WWC2: variants seen among roughly 807,000 people sequenced by gnomAD.
WWC2 encodes protein WWC2.
Under a neutral mutation model 138.5 loss-of-function variants are expected in WWC2, and 101 were observed. The observed-to-expected ratio is 0.73, with a 90% CI of 0.62 to 0.86. WWC2 has a LOEUF of 0.86. WWC2 is among the 40% of genes least tolerant of loss of function. The pLI is 0.00. For synonymous variants in WWC2, 558 were observed against 538.4 expected, an observed-to-expected ratio of 1.04 and a Z score of -0.50; for missense variants, 1,420 against 1,419.4, an observed-to-expected ratio of 1.00 and a Z score of -0.01.
rs1374034474 is a variant in WWC2 at position 183,176,848 on chromosome 4, C to T, written c.132-16751C>T. On this transcript the variant is annotated intron_variant, in intron 1 of 22. Coordinates refer to ENST00000403733, the MANE Select transcript of WWC2 (RefSeq NM_024949.6). Reference sequence around the variant, plus strand: ...AATGGCAGCTGCAGCCAAGCAACACCGGCCTCACACTCCAGGCAGAACGCT... The same window carrying T: ...AATGGCAGCTGCAGCCAAGCAACACTGGCCTCACACTCCAGGCAGAACGCT... Among the ~76,000 whole-genome samples, 7 of 152,136 alleles carry T rather than the reference C, an allele frequency of 4.6e-5. No individual in the cohort carries two copies. In the South Asian group the frequency reaches 6.2e-4, roughly 13 times the overall value.
In WWC2 at chr4:183,319,591, C is replaced by T. The variant is rs1579086144; in HGVS notation, c.*3862C>T. The T allele has an allele frequency of 6.2e-7, 1 of 1,613,544 alleles. No individual in the cohort carries two copies. The highest frequency in any genetic ancestry group is 2.2e-5 in the East Asian group (1 of 44,886). On this transcript the variant is annotated 3_prime_UTR_variant, in exon 23 of 23. Coordinates refer to ENST00000403733, the MANE Select transcript of WWC2 (RefSeq NM_024949.6). The stretch of plus-strand genomic sequence containing the variant: ...AGGTTGGTGTTTCTCGTCTCCAGTT[C>T]TTGATGATGATCTTGTGTTTGTGCC...
In WWC2 at chr4:183,253,782, T is replaced by G. The variant is rs1027143602; in HGVS notation, c.979T>G (p.Ser327Ala). ...TATGGCCAACTTAAAAATTGAACTGTCAAAATTGGACAGTGAGGCCTGGCC... is the reference window on the plus strand; with the variant it reads ...TATGGCCAACTTAAAAATTGAACTGGCAAAATTGGACAGTGAGGCCTGGCC... ...RSMANLKIEL[S>A]KLDSEAWPGA... The change falls in exon 9 of 23, where the codon TCA becomes GCA. Residue 327 changes from serine (S) to alanine (A), a missense_variant. Ser to Ala is a moderately conservative substitution (Grantham distance 99). Transcript: ENST00000403733. The G allele has an allele frequency of 1.9e-6, 3 of 1,612,346 alleles. No homozygotes were observed. Among genetic ancestry groups the G allele is most frequent in the African/African-American group, 1.3e-5 (1 of 74,640 alleles).
intron 21 of WWC2, among the ~76,000 whole-genome samples, chr4:183,297,441 C>T (rs1580161976): frequency 6.7e-6 from 1 of 149,630 alleles, no homozygotes; most frequent in South Asian, 2.1e-4. Flanking sequence ...TGGAGCTTCA[C>T]TCTTGTCACC....
At chr4:183,253,132 G>C (rs958545210) in intron 8 of WWC2, among the ~76,000 whole-genome samples, 2 of 152,076 alleles carry the variant, frequency 1.3e-5, no homozygotes, top group Admixed American at 1.3e-4. Context: ...CGTGCTGCTT[G>C]TCCTCCCAAA....
At chr4:183,312,296 A>G (rs544355477) in intron 21 of WWC2, 45 bp from the exon 22 acceptor site, 1 of 1,601,332 alleles carries the variant, frequency 6.2e-7, no homozygotes, top group Non-Finnish European at 8.5e-7. Flanking sequence ...AGGGATTTCT[A>G]ATCAGTGTTT....
rs762854147 is a variant in WWC2, at chr4:183,280,761, C to T, written c.2563-15C>T. The stretch of plus-strand genomic sequence containing the variant: ...AGTATATTATGTTAATTGCCGTATG[C>T]TTTACATTCTTCAGGATGCAGTGTC... On this transcript the variant is annotated splice_polypyrimidine_tract_variant and intron_variant, in intron 16 of 22. Coordinates refer to ENST00000403733, the MANE Select transcript of WWC2 (RefSeq NM_024949.6). 1.3e-6 allele frequency: 2 copies of T among 1,596,110 alleles called. No homozygotes were observed. Among genetic ancestry groups the T allele is most frequent in the East Asian group, 4.5e-5 (2 of 44,440 alleles).
intron 1 of WWC2, among the ~76,000 whole-genome samples, chr4:183,171,944 A>G (rs574532504): frequency 6.6e-6 from 1 of 152,176 alleles, no homozygotes; most frequent in Admixed American, 6.5e-5. Flanking sequence ...TAAAGAAATC[A>G]GTAGTCTGTG....
At chr4:183,169,993 A>C (rs1009501707) in intron 1 of WWC2, among the ~76,000 whole-genome samples, 2 of 152,216 alleles carry the variant, frequency 1.3e-5, no homozygotes, top group Non-Finnish European at 1.5e-5. Context: ...TTGAGCTTCA[A>C]AAGAACAGTA....
intron 1 of WWC2, among the ~76,000 whole-genome samples, chr4:183,135,701 C>G (rs957369233): frequency 6.6e-6 from 1 of 152,120 alleles, no homozygotes; most frequent in African/African-American, 2.4e-5. Flanking sequence ...CAGCTGGGAT[C>G]ACTTTCTTTC....
At position 183,284,307 on chromosome 4, in the gene WWC2, A is replaced by G; in HGVS notation, c.2965A>G (p.Arg989Gly). ...CAAAGAGCGCAGCAGCCTGAGCTCT[A>G]GACAGCATCCGTTTGTGAGGAGCAG... ...RPKERSSLSS[R>G]QHPFVRSSVI... Residue 989 changes from arginine (R) to glycine (G), a missense_variant, in exon 19 of 23, where the codon AGA becomes GGA. Arg to Gly is a moderately radical substitution (Grantham distance 125). Coordinates refer to ENST00000403733, the MANE Select transcript of WWC2 (RefSeq NM_024949.6). The G allele has an allele frequency of 1.2e-6, 2 of 1,614,034 alleles. No homozygotes were observed. The highest frequency in any genetic ancestry group is 1.7e-6 in the Non-Finnish European group (2 of 1,179,894).
chr4:183,109,995 T>C (rs1490254011), intron 1 of WWC2, among the ~76,000 whole-genome samples: 2 of 152,222 alleles, frequency 1.3e-5, no homozygotes, highest in African/African-American at 4.8e-5. Context: ...CCTGTTCAAA[T>C]GTAGCAGCCT....
chr4:183,295,184 C>T (rs1027074985), intron 21 of WWC2, among the ~76,000 whole-genome samples: 20 of 152,212 alleles, frequency 1.3e-4, no homozygotes, highest in African/African-American at 4.3e-4. Context: ...AACTCCTATG[C>T]TCCTTCAGCC....
chr4:183,225,066 C>CT (rs113534799), intron 4 of WWC2, among the ~76,000 whole-genome samples: 33 of 151,320 alleles, frequency 2.2e-4, no homozygotes, highest in African/African-American at 4.1e-4. Flanking sequence ...ATGTTTTTGA[C>CT]TTTTTTTTTG....
chr4:183,168,535 G>A (rs1330289087), intron 1 of WWC2, among the ~76,000 whole-genome samples: 1 of 152,140 alleles, frequency 6.6e-6, no homozygotes. Flanking sequence ...CCTAGATGCT[G>A]TGGTTTCTTG....
At chr4:183,113,556 A>ATCTT (rs1362610252) in intron 1 of WWC2, among the ~76,000 whole-genome samples, 2 of 150,268 alleles carry the variant, frequency 1.3e-5, no homozygotes, top group African/African-American at 4.9e-5. Flanking sequence ...ATGCAAGATG[A>ATCTT]TCTTACTCAT....
rs201111856 is a variant in WWC2 at position 183,312,401 on chromosome 4, G to C, written c.3445G>C (p.Val1149Leu). Residue 1149 changes from valine to leucine, a missense_variant, in exon 22 of 23, where the codon GTC becomes CTC. Val to Leu is a conservative substitution (Grantham distance 32). Coordinates refer to ENST00000403733, the MANE Select transcript of WWC2 (RefSeq NM_024949.6). ...GAATGCAGAGAAGTTGATGAGGCAA[G>C]TCTCCAAGGACGTGTGTCGGCTCCG... ...GLNAEKLMRQ[V>L]SKDVCRLREQ... 21 of 1,613,864 alleles carry C rather than the reference G, an allele frequency of 1.3e-5. No individual in the cohort carries two copies. The highest frequency in any genetic ancestry group is 3.3e-5 in the South Asian group (3 of 91,076).
chr4:183,272,582 G>A (rs7673764), intron 16 of WWC2, among the ~76,000 whole-genome samples: 7,352 of 152,166 alleles, frequency 0.048, 221 homozygotes, highest in South Asian at 0.079. Context: ...CTGTGTGCAC[G>A]AGCAGAGACT....
chr4:183,255,406 T>G (rs907358), intron 9 of WWC2, among the ~76,000 whole-genome samples: 1,983 of 152,330 alleles, frequency 0.013, 52 homozygotes, highest in African/African-American at 0.045. Flanking sequence ...ATTACCCTGA[T>G]GTGTCTAAAT....
At chr4:183,281,565 T>C (rs1415017050) in intron 17 of WWC2, among the ~76,000 whole-genome samples, 1 of 150,008 alleles carries the variant, frequency 6.7e-6, no homozygotes, top group Non-Finnish European at 1.5e-5. Context: ...TATACTGTTA[T>C]GTTTGGTTGA....
Sources: gnomAD v4.1 joint callset for allele counts (sites outside exome capture counted in the v4.1 genomes callset) on GRCh38, gnomAD v4.1.1 for gene constraint, MANE v1.5 for transcripts, NCBI Gene and HGNC (gene_info 2026-07-23, HGNC 2026-07-21) for gene names.